CTNNA2: variants seen among roughly 807,000 people sequenced by gnomAD.
CTNNA2 encodes the protein catenin alpha 2.
A neutral mutation model predicts 101.0 loss-of-function variants in CTNNA2; 42 were observed. That is an observed-to-expected ratio of 0.42 (90% CI 0.32 to 0.54). The LOEUF is 0.54. Among genes scored for constraint, CTNNA2 ranks in the 20% least tolerant of loss-of-function variants. The pLI, the probability that CTNNA2 is intolerant of heterozygous loss-of-function variation, is 0.14. For synonymous variants in CTNNA2, 450 were observed against 456.4 expected (o/e 0.99, Z 0.18); for missense variants, 871 against 1,223.1 (o/e 0.71, Z 4.29).
intron 1 of CTNNA2, among the ~76,000 whole-genome samples, chr2:79,575,019 A>G (rs1363873623): frequency 6.6e-6 from 1 of 152,102 alleles, no homozygotes; most frequent in Non-Finnish European, 1.5e-5. Flanking sequence ...TCTTCTTTTG[A>G]AAAGCGTTGG....
At chr2:79,505,626 C>T (rs534957706) in intron 5 of CTNNA2, among the ~76,000 whole-genome samples, 4 of 152,252 alleles carry the variant, frequency 2.6e-5, no homozygotes, top group African/African-American at 9.6e-5. Flanking sequence ...CAACCAATGC[C>T]TGTGGAAGTC....
At chr2:79,942,396 A>G (rs529148704) in intron 7 of CTNNA2, among the ~76,000 whole-genome samples, 4 of 152,276 alleles carry the variant, frequency 2.6e-5, no homozygotes, top group Non-Finnish European at 5.9e-5. Context: ...TCTTGGTGAT[A>G]TTTTAGATTC....
chr2:80,283,892 G>A (rs72928783), intron 7 of CTNNA2, among the ~76,000 whole-genome samples: 2,623 of 152,160 alleles, frequency 0.017, 61 homozygotes, highest in African/African-American at 0.059. Context: ...AGGAGAGGGA[G>A]AAGGAGGAGG....
rs551730823 is a variant in CTNNA2 at position 80,583,839 on chromosome 2, C to T, written c.2007+2020C>T. ...CTCCTGTCTTTATCATCTATTATTT[C>T]TTCACACTAGTGTCTTTTCTGAGAG... On this transcript the variant is annotated intron_variant, in intron 14 of 18. Coordinates refer to ENST00000402739, the MANE Select transcript of CTNNA2 (RefSeq NM_001282597.3). Among the ~76,000 whole-genome samples, 5 of 152,220 alleles carry T rather than the reference C, an allele frequency of 3.3e-5. No individual in the cohort carries two copies. In the South Asian group the frequency reaches 8.3e-4, roughly 25 times the overall value.
intron 7 of CTNNA2, among the ~76,000 whole-genome samples, chr2:80,159,348 T>C (rs1045173024): frequency 6.6e-6 from 1 of 152,232 alleles, no homozygotes; most frequent in African/African-American, 2.4e-5. Flanking sequence ...AGCTGTAACA[T>C]TTTACATTCT....
At chr2:79,316,431 A>G (rs576248627) in intron 3 of CTNNA2, among the ~76,000 whole-genome samples, 1 of 152,132 alleles carries the variant, frequency 6.6e-6, no homozygotes, top group Non-Finnish European at 1.5e-5. Context: ...GCATTTCCAC[A>G]TGAATTTTAG....
At chr2:79,228,454 GT>G (rs1280876422) in intron 2 of CTNNA2, among the ~76,000 whole-genome samples, 5 of 152,320 alleles carry the variant, frequency 3.3e-5, no homozygotes, top group African/African-American at 1.2e-4. Context: ...TCTGACTGGT[GT>G]AAGATGCTAT....
intron 18 of CTNNA2, among the ~76,000 whole-genome samples, chr2:80,645,087 G>A (rs1481146457): frequency 6.6e-6 from 1 of 152,114 alleles, no homozygotes; most frequent in Non-Finnish European, 1.5e-5. Flanking sequence ...ATATCATCTT[G>A]TTCTATTTCT....
intron 9 of CTNNA2, among the ~76,000 whole-genome samples, chr2:80,528,883 A>G (rs191741758): frequency 6.6e-6 from 1 of 152,194 alleles, no homozygotes; most frequent in Non-Finnish European, 1.5e-5. Context: ...CCCTGAGGAC[A>G]GATTAGACTT....
At chr2:79,885,947 T>G (rs1034929878) in intron 6 of CTNNA2, among the ~76,000 whole-genome samples, 1 of 152,204 alleles carries the variant, frequency 6.6e-6, no homozygotes, top group Non-Finnish European at 1.5e-5. Flanking sequence ...ATTTTATATC[T>G]CTTAGGATAA....
intron 6 of CTNNA2, among the ~76,000 whole-genome samples, chr2:79,875,927 T>C (rs1682990143): frequency 6.6e-6 from 1 of 152,080 alleles, no homozygotes; most frequent in Admixed American, 6.5e-5. Context: ...TCATGTAAAA[T>C]AAAGTAGAAT....
intron 7 of CTNNA2, among the ~76,000 whole-genome samples, chr2:80,232,537 A>T (rs1485589117): frequency 6.6e-6 from 1 of 151,586 alleles, no homozygotes; most frequent in Non-Finnish European, 1.5e-5. Context: ...AGATTATCTG[A>T]TTGTGAATCT....
chr2:80,105,855 G>A (rs1700853764), intron 7 of CTNNA2, among the ~76,000 whole-genome samples: 1 of 152,096 alleles, frequency 6.6e-6, no homozygotes, highest in Admixed American at 6.5e-5. Flanking sequence ...TTCACCCCAG[G>A]CTTTACCGTG....
At position 80,522,561 on chromosome 2, in the gene CTNNA2, T is replaced by G. The variant is rs1164561796; in HGVS notation, c.1291-22421T>G. Among the ~76,000 whole-genome samples the G allele has an allele frequency of 3.3e-5, 5 of 152,264 alleles. No individual in the cohort carries two copies. The East Asian group carries it at 9.7e-4, about 29-fold the overall frequency. The stretch of plus-strand genomic sequence containing the variant: ...TCTTAGTTTTCTATCCTGGAGATTT[T>G]TGTCCCCGCCCAAATCTCATGTTGA... On this transcript the variant is annotated intron_variant, in intron 9 of 18. Transcript: ENST00000402739.
At chr2:79,580,771 C>T (rs1234891753) in intron 1 of CTNNA2, among the ~76,000 whole-genome samples, 1 of 152,114 alleles carries the variant, frequency 6.6e-6, no homozygotes, top group Non-Finnish European at 1.5e-5. Flanking sequence ...CTCTGGTTGA[C>T]CTTTGTAATC....
intron 7 of CTNNA2, among the ~76,000 whole-genome samples, chr2:80,320,669 CT>C (rs1678592027): frequency 1.3e-5 from 2 of 152,146 alleles, no homozygotes; most frequent in South Asian, 4.1e-4. Flanking sequence ...TGATTAATAT[CT>C]TGCCACTTTA....
intron 3 of CTNNA2, among the ~76,000 whole-genome samples, chr2:79,787,784 C>G (rs192535773): frequency 8.0e-4 from 122 of 152,034 alleles, no homozygotes; most frequent in African/African-American, 2.7e-3. Context: ...ATCTATTGAT[C>G]CTCTTACCTC....
At chr2:79,980,765 G>A (rs896839325) in intron 7 of CTNNA2, among the ~76,000 whole-genome samples, 3 of 152,092 alleles carry the variant, frequency 2.0e-5, no homozygotes, top group South Asian at 2.1e-4. Flanking sequence ...AGAAAAATAA[G>A]CAATTAGAAA....
intron 3 of CTNNA2, among the ~76,000 whole-genome samples, chr2:79,324,766 T>C (rs1274529077): frequency 6.7e-6 from 1 of 150,208 alleles, no homozygotes; most frequent in Non-Finnish European, 1.5e-5. Context: ...ACACTACACA[T>C]GTGTCAGTCA....
Sources: gnomAD v4.1 joint callset for allele counts (sites outside exome capture counted in the v4.1 genomes callset) on GRCh38, gnomAD v4.1.1 for gene constraint, MANE v1.5 for transcripts, NCBI Gene and HGNC (gene_info 2026-07-23, HGNC 2026-07-21) for gene names.